The following CALN1 variants were observed in gnomAD, a reference collection of about 807,000 sequenced individuals.
CALN1 encodes the protein calcium-binding protein 8.
A neutral mutation model predicts 30.6 loss-of-function variants in CALN1; 17 were observed. The ratio of observed to expected loss-of-function variants is 0.56; its 90% confidence interval spans 0.38 to 0.83. The LOEUF is 0.83. Among genes scored for constraint, CALN1 ranks in the 40% least tolerant of loss-of-function variants. The pLI, the probability that CALN1 is intolerant of heterozygous loss-of-function variation, is 0.00. For missense variants in CALN1, 291 were observed against 354.9 expected (o/e 0.82, Z 1.45); for synonymous variants, 156 against 131.4 (o/e 1.19, Z -1.28).
chr7:72,337,098 C>T, intron 2 of CALN1: 1 of 985,756 alleles, frequency 1.0e-6, no homozygotes, highest in Non-Finnish European at 1.2e-6. Flanking sequence ...ATGTGCGCGG[C>T]TGCCTCGCTG....
chr7:72,124,881 T>C (rs1242562746), intron 3 of CALN1, among the ~76,000 whole-genome samples: 1 of 151,804 alleles, frequency 6.6e-6, no homozygotes, highest in Non-Finnish European at 1.5e-5. Flanking sequence ...GACAAACAGA[T>C]TTTCCCCAAA....
chr7:71,942,877 G>A (rs1277077056), intron 5 of CALN1, among the ~76,000 whole-genome samples: 1 of 152,046 alleles, frequency 6.6e-6, no homozygotes, highest in Non-Finnish European at 1.5e-5. Context: ...TGAGATAGAC[G>A]CATATCTGAT....
At chr7:72,077,989 T>C (rs1363212152) in intron 4 of CALN1, among the ~76,000 whole-genome samples, 2 of 152,120 alleles carry the variant, frequency 1.3e-5, no homozygotes, top group East Asian at 3.9e-4. Flanking sequence ...GTTTCCAAAA[T>C]GAAGTTGTGC....
chr7:72,406,343 C>T (rs528710710), intron 1 of CALN1, among the ~76,000 whole-genome samples: 1 of 152,172 alleles, frequency 6.6e-6, no homozygotes, highest in African/African-American at 2.4e-5. Flanking sequence ...AAGACACAGG[C>T]ACCTCCTGAG....
At chr7:71,901,571 T>C (rs1793851828) in intron 5 of CALN1, among the ~76,000 whole-genome samples, 1 of 151,968 alleles carries the variant, frequency 6.6e-6, no homozygotes, top group South Asian at 2.1e-4. Flanking sequence ...TAAAAATAGA[T>C]ACACAGACCA....
chr7:72,076,363 C>T (rs1008153152), intron 4 of CALN1, among the ~76,000 whole-genome samples: 15 of 151,422 alleles, frequency 9.9e-5, no homozygotes, highest in African/African-American at 3.2e-4. Context: ...CTTTGGGAGG[C>T]CGAGGCGAGC....
At chr7:72,459,092 CG>C in the CALN1 span, among the ~76,000 whole-genome samples, 1 of 129,338 alleles carries the variant, frequency 7.7e-6, no homozygotes, top group Non-Finnish European at 1.7e-5. Flanking sequence ...TTGTATGAGA[CG>C]GGGTTTCACC....
intron 3 of CALN1, among the ~76,000 whole-genome samples, chr7:72,270,473 A>C (rs923775364): frequency 6.6e-6 from 1 of 152,208 alleles, no homozygotes; most frequent in African/African-American, 2.4e-5. Flanking sequence ...AAGAAGATAA[A>C]AGTTTTAATA....
intron 5 of CALN1, among the ~76,000 whole-genome samples, chr7:71,971,251 C>A (rs1797780974): frequency 6.6e-6 from 1 of 152,136 alleles, no homozygotes; most frequent in African/African-American, 2.4e-5. Context: ...GAGTTCAAGA[C>A]CAGCCTGGCC....
chr7:72,266,003 G>A (rs1796570916), intron 3 of CALN1, among the ~76,000 whole-genome samples: 1 of 152,022 alleles, frequency 6.6e-6, no homozygotes, highest in South Asian at 2.1e-4. Context: ...TTAGCCAGGT[G>A]TAATGGCACG....
At chr7:72,358,699 C>T (rs1295369046) in intron 2 of CALN1, among the ~76,000 whole-genome samples, 1 of 152,108 alleles carries the variant, frequency 6.6e-6, no homozygotes, top group African/African-American at 2.4e-5. Context: ...ACCTGTAATT[C>T]CAGCACTTTG....
At chr7:72,318,647 C>T (rs1800653967) in intron 2 of CALN1, among the ~76,000 whole-genome samples, 1 of 149,572 alleles carries the variant, frequency 6.7e-6, no homozygotes, top group Admixed American at 6.7e-5. Flanking sequence ...TTCAAGCAAT[C>T]CTCCTGCCTC....
intron 5 of CALN1, among the ~76,000 whole-genome samples, chr7:71,845,309 T>C (rs1340433425): frequency 6.6e-6 from 1 of 152,236 alleles, no homozygotes. Flanking sequence ...CATTCATCTT[T>C]CCAATTTGGC....
intron 4 of CALN1, among the ~76,000 whole-genome samples, chr7:72,033,162 C>T (rs1279372209): frequency 7.0e-6 from 1 of 142,242 alleles, no homozygotes; most frequent in African/African-American, 2.8e-5. Flanking sequence ...GGTTTCCCCA[C>T]TGCTATGTGA....
Position 72,403,384 on chromosome 7 carries a change from G to A in CALN1, c.-15C>T, listed in dbSNP as rs780145313. The stretch of plus-strand genomic sequence containing the variant: ...GGCAGCCGCATCGGGGGTCCAGGGC[G>A]ATGTTCTCAGAGAGAGTTAGAAGCT... On this transcript the variant is annotated 5_prime_UTR_variant, in exon 2 of 7. Transcript: ENST00000395275. The A allele has an allele frequency of 4.6e-6, 7 of 1,534,470 alleles. No homozygotes were observed. The highest frequency in any genetic ancestry group is 2.4e-5 in the South Asian group (2 of 83,560).
chr7:72,079,737 A>G (rs1318566679), intron 4 of CALN1, among the ~76,000 whole-genome samples: 2 of 148,760 alleles, frequency 1.3e-5, no homozygotes, highest in African/African-American at 5.0e-5. Flanking sequence ...GGCCTGTGCA[A>G]ATGCCCAAGA....
chr7:71,943,116 C>T (rs951273601), intron 5 of CALN1, among the ~76,000 whole-genome samples: 2 of 142,092 alleles, frequency 1.4e-5, no homozygotes, highest in Admixed American at 6.9e-5. Flanking sequence ...GGGCACATGT[C>T]GCCAGGACCT....
At chr7:72,236,072 T>G (rs2129550948) in intron 3 of CALN1, among the ~76,000 whole-genome samples, 1 of 96,908 alleles carries the variant, frequency 1.0e-5, no homozygotes, top group South Asian at 5.3e-4. Flanking sequence ...AATGAGCCCA[T>G]TCTCCACAAA....
intron 3 of CALN1, among the ~76,000 whole-genome samples, chr7:72,162,033 G>C (rs555008757): frequency 8.9e-4 from 135 of 150,880 alleles, no homozygotes; most frequent in African/African-American, 3.2e-3. Flanking sequence ...TTAGGATTTT[G>C]GTATATGTCA....
Sources: allele counts gnomAD v4.1 joint callset (sites outside exome capture counted in the v4.1 genomes callset), GRCh38; gene constraint gnomAD v4.1.1; transcripts MANE v1.5; gene names NCBI Gene and HGNC (gene_info 2026-07-23, HGNC 2026-07-21).